Variants in TTC7A observed in about 807,000 individuals in gnomAD.
TTC7A encodes tetratricopeptide repeat domain 7A.
TTC7A carries 110 observed loss-of-function variants against 103.7 expected under a neutral mutation model. That is an observed-to-expected ratio of 1.06 (90% CI 0.91 to 1.24). The LOEUF (loss-of-function observed/expected upper bound fraction) is 1.24, where lower values mean the gene tolerates loss of function less well. Ranked by LOEUF, TTC7A falls within the 50% of genes most tolerant of loss-of-function variation. The probability of loss-of-function intolerance (pLI) is 0.00; values close to 1 mark genes in which losing one functional copy is unlikely to be tolerated. For missense variants in TTC7A, 1,340 were observed against 1,116.3 expected (o/e 1.20, Z -2.86); for synonymous variants, 521 against 467.9 (o/e 1.11, Z -1.47).
At chr2:46,993,667 C>G in intron 6 of TTC7A, 139 bp downstream of exon 6, 1 of 755,078 alleles carries the variant, frequency 1.3e-6, no homozygotes. Flanking sequence ...GGTAATCAAT[C>G]TCAGCATCCT....
intron 16 of TTC7A, among the ~76,000 whole-genome samples, chr2:47,047,663 T>C (rs1397538493): frequency 6.6e-6 from 1 of 152,228 alleles, no homozygotes; most frequent in Non-Finnish European, 1.5e-5. Flanking sequence ...CTTATCTGGA[T>C]GGCTGCTTGT....
intron 4 of TTC7A, among the ~76,000 whole-genome samples, chr2:46,977,864 C>T (rs147106582): frequency 1.3e-5 from 2 of 152,326 alleles, no homozygotes; most frequent in Admixed American, 1.3e-4. Flanking sequence ...TGAGCCACCA[C>T]ATCTGTAATT....
intron 5 of TTC7A, among the ~76,000 whole-genome samples, chr2:46,980,782 T>C (rs945726389): frequency 2.6e-5 from 4 of 152,150 alleles, no homozygotes; most frequent in Admixed American, 6.5e-5. Flanking sequence ...ACAACTTCTG[T>C]CTCAACTGGC....
intron 18 of TTC7A, among the ~76,000 whole-genome samples, chr2:47,052,862 A>G (rs1252227616): frequency 6.6e-6 from 1 of 152,110 alleles, no homozygotes; most frequent in South Asian, 2.1e-4. Context: ...CTCCTTCTCC[A>G]TCATGGGGGT....
Position 46,925,375 on chromosome 2 carries a change from T to G in TTC7A, c.82+8098T>G, listed in dbSNP as rs1320670678. 4.6e-5 allele frequency among the ~76,000 whole-genome samples: 7 copies of G among 152,232 alleles called. No homozygotes were observed. The East Asian group carries it at 1.4e-3, about 29-fold the overall frequency. On this transcript the variant is annotated intron_variant, in intron 2 of 20. Transcript: ENST00000409245. Reference sequence around the variant, plus strand: ...GAGTTCGAGACTAACCTAGCCAACATGGTGAAACCCCATCTCTACTAAAAA... The same window carrying G: ...GAGTTCGAGACTAACCTAGCCAACAGGGTGAAACCCCATCTCTACTAAAAA...
chr2:46,988,388 C>T (rs1327843655), intron 5 of TTC7A, among the ~76,000 whole-genome samples: 1 of 152,216 alleles, frequency 6.6e-6, no homozygotes, highest in African/African-American at 2.4e-5. Context: ...ACCTTGTCCC[C>T]TGATTCACCC....
At chr2:47,068,695 G>GC (rs1024179723) in intron 19 of TTC7A, 2 of 151,578 alleles carry the variant, frequency 1.3e-5, no homozygotes, top group African/African-American at 4.9e-5. Flanking sequence ...GGCTGGCACA[G>GC]CCCCACACAC....
At chr2:47,023,542 C>A in intron 13 of TTC7A, 77 bp downstream of exon 13, 1 of 1,407,438 alleles carries the variant, frequency 7.1e-7, no homozygotes, top group Non-Finnish European at 1.0e-6. Flanking sequence ...TCATCAGACC[C>A]TCTGATGTGG....
intron 15 of TTC7A, among the ~76,000 whole-genome samples, chr2:47,041,085 C>T (rs896338913): frequency 6.6e-6 from 1 of 152,146 alleles, no homozygotes; most frequent in Admixed American, 6.5e-5. Context: ...AGGCCCTCCA[C>T]CCCCACCCCA....
At position 46,916,780 on chromosome 2, in the gene TTC7A, G is replaced by A. The variant is rs537983294; in HGVS notation, c.-13+203G>A. 2.0e-5 allele frequency among the ~76,000 whole-genome samples: 3 copies of A among 152,216 alleles called. No homozygotes were observed. The South Asian group carries it at 6.2e-4, about 32-fold the overall frequency. ...CTCCCGAGTAGCTGGGATTACAGGC[G>A]CGTGCCACCTTGCCCGGCTAATTTT... On this transcript the variant is annotated intron_variant, in intron 1 of 20. Coordinates refer to the TTC7A transcript ENST00000409245.
At chr2:47,054,130 A>G (rs1683126119) in intron 18 of TTC7A, 1 of 985,446 alleles carries the variant, frequency 1.0e-6, no homozygotes, top group South Asian at 4.7e-5. Flanking sequence ...CAGCATCTGA[A>G]TGCTTTGAAT....
intron 8 of TTC7A, among the ~76,000 whole-genome samples, chr2:47,004,906 A>G (rs755956902): frequency 1.6e-4 from 25 of 152,076 alleles, no homozygotes; most frequent in Non-Finnish European, 2.6e-4. Flanking sequence ...CCCCCAGGGT[A>G]TAGAGGTGGG....
At chr2:46,995,309 G>A (rs1268181769) in intron 8 of TTC7A, 110 bp downstream of exon 8, 2 of 1,057,520 alleles carry the variant, frequency 1.9e-6, no homozygotes, top group East Asian at 5.1e-5. Context: ...TGTCTCCCAG[G>A]GATACTCCTA....
chr2:46,956,627 A>C, intron 2 of TTC7A: 1 of 583,638 alleles, frequency 1.7e-6, no homozygotes, highest in South Asian at 2.1e-5. Flanking sequence ...AGGGACTCAT[A>C]GGAGAATTTT....
At chr2:47,030,471 C>T (rs1437151436) in intron 15 of TTC7A, among the ~76,000 whole-genome samples, 2 of 152,198 alleles carry the variant, frequency 1.3e-5, no homozygotes, top group Non-Finnish European at 2.9e-5. Context: ...TGCTTGTGGC[C>T]TTTGCCAGCG....
chr2:46,917,235 T>A, exon 2 of TTC7A: 1 of 700,272 alleles, frequency 1.4e-6, no homozygotes, highest in Non-Finnish European at 2.6e-6. Context: ...GTTCAAGCAA[T>A]CCTCCCACCA....
In TTC7A at chr2:47,024,306, A is replaced by C. The variant is rs1679634498; in HGVS notation, c.1588A>C (p.Ser530Arg). 6.2e-7 allele frequency: 1 copy of C among 1,607,424 alleles called. No homozygotes were observed. Among genetic ancestry groups the C allele is most frequent in the South Asian group, 1.1e-5 (1 of 90,262 alleles). ...TLERAQQLAP[S>R]DPQVILYVSL... is the part of the protein sequence containing the mutation. ...ACACAGGGCTCAGCAGCTGGCGCCC[A>C]GTGACCCCCAGGTCATCCTCTATGT... Residue 530 changes from serine to arginine, a missense_variant, in exon 14 of 20, where the codon AGT becomes CGT. Coordinates refer to ENST00000319190, the MANE Select transcript of TTC7A (RefSeq NM_020458.4).
chr2:46,934,647 T>C (rs1446637777), intron 2 of TTC7A, among the ~76,000 whole-genome samples: 1 of 151,954 alleles, frequency 6.6e-6, no homozygotes, highest in Non-Finnish European at 1.5e-5. Context: ...CCCTCATAGG[T>C]TGCAGTAAGC....
chr2:46,918,884 G>C (rs745461190), intron 2 of TTC7A, among the ~76,000 whole-genome samples: 1 of 152,236 alleles, frequency 6.6e-6, no homozygotes, highest in Non-Finnish European at 1.5e-5. Context: ...CTAGGTAAGA[G>C]AGGATCTCTT....
Sources: gnomAD v4.1 joint callset for allele counts (sites outside exome capture counted in the v4.1 genomes callset) on GRCh38, gnomAD v4.1.1 for gene constraint, MANE v1.5 for transcripts, NCBI Gene and HGNC (gene_info 2026-07-23, HGNC 2026-07-21) for gene names.